The following STON2 variants were observed in gnomAD, a reference collection of about 807,000 sequenced individuals.
STON2 encodes stonin 2.
In STON2, 29 loss-of-function variants were observed where a neutral mutation model predicts 65.7. The observed-to-expected ratio is 0.44, with a 90% CI of 0.33 to 0.60. The LOEUF (loss-of-function observed/expected upper bound fraction) is 0.60. Ranked by LOEUF, STON2 falls within the 20% of genes least tolerant of loss-of-function variation. STON2 has a pLI of 0.03. For missense variants in STON2, 1,054 were observed against 1,118.1 expected, an observed-to-expected ratio of 0.94 and a Z score of 0.82; for synonymous variants, 404 against 414.2, an observed-to-expected ratio of 0.98 and a Z score of 0.30.
At chr14:81,283,624 G>A (rs1424206255) in intron 5 of STON2, among the ~76,000 whole-genome samples, 1 of 147,804 alleles carries the variant, frequency 6.8e-6, no homozygotes, top group Non-Finnish European at 1.5e-5. Flanking sequence ...TCCGCCTCCC[G>A]GGTTCAAGCC....
chr14:81,387,756 G>A (rs1899882849), intron 3 of STON2, among the ~76,000 whole-genome samples: 1 of 151,232 alleles, frequency 6.6e-6, no homozygotes, highest in Admixed American at 6.6e-5. Context: ...GCCAGGCATG[G>A]TGGCGGGTGC....
At chr14:81,275,531 C>G (rs1025584566) in intron 6 of STON2, among the ~76,000 whole-genome samples, 4 of 151,974 alleles carry the variant, frequency 2.6e-5, no homozygotes, top group African/African-American at 9.7e-5. Context: ...TTCAGAGGGG[C>G]CCCGTGGATA....
chr14:81,372,545 T>A (rs1332532182), intron 3 of STON2, among the ~76,000 whole-genome samples: 1 of 119,424 alleles, frequency 8.4e-6, no homozygotes. Context: ...AGATAAACCC[T>A]ATCTCAAAAA....
At chr14:81,335,236 T>C (rs951502029) in intron 4 of STON2, among the ~76,000 whole-genome samples, 2 of 152,060 alleles carry the variant, frequency 1.3e-5, no homozygotes, top group East Asian at 1.9e-4. Context: ...TGACCAGTGA[T>C]AGTCTCAAAA....
intron 5 of STON2, among the ~76,000 whole-genome samples, chr14:81,300,063 A>G (rs1281588945): frequency 6.6e-6 from 1 of 152,166 alleles, no homozygotes; most frequent in East Asian, 1.9e-4. Flanking sequence ...GATTGACTAT[A>G]AAGTTTCAGT....
intron 5 of STON2, among the ~76,000 whole-genome samples, chr14:81,312,247 C>T (rs1896453012): frequency 6.6e-6 from 1 of 152,160 alleles, no homozygotes. Context: ...AGGCTACTAA[C>T]ACCCACTGTG....
In STON2 at chr14:81,278,601, T is replaced by C. The variant is rs1335715293; in HGVS notation, c.881A>G (p.Asp294Gly). 2 of 1,597,422 alleles carry C rather than the reference T, an allele frequency of 1.3e-6. No homozygotes were observed. Among genetic ancestry groups the C allele is most frequent in the Non-Finnish European group, 1.7e-6 (2 of 1,170,498 alleles). The change falls in exon 6 of 8, where the codon GAC becomes GGC. Residue 294 changes from aspartate (D) to glycine (G), a missense_variant. Physicochemically the swap from Asp to Gly is moderately conservative, Grantham distance 94. Transcript: ENST00000614646. ...ARFPSWVTFD[D>G]NEVSCPLPPV... ...TGGTAAAGGGCAGCTGACTTCATTG[T>C]CATCAAAGGTGACCCAGCTGGGAAA...
chr14:81,325,289 T>C (rs1896966394), intron 4 of STON2, among the ~76,000 whole-genome samples: 4 of 152,246 alleles, frequency 2.6e-5, no homozygotes. Context: ...TAGGTTTCTC[T>C]ACCGTAGCTT....
chr14:81,425,681 C>T (rs1901936172), intron 2 of STON2, among the ~76,000 whole-genome samples: 1 of 152,058 alleles, frequency 6.6e-6, no homozygotes, highest in South Asian at 2.1e-4. Flanking sequence ...ATACGTAATA[C>T]TAAAACACTG....
intron 2 of STON2, 26 bp downstream of exon 2, chr14:81,398,269 C>G (rs762818272): frequency 1.3e-6 from 2 of 1,542,096 alleles, no homozygotes; most frequent in South Asian, 2.3e-5. Flanking sequence ...AATCTCTTCA[C>G]TTTAGGAAAC....
At chr14:81,297,834 T>C (rs1895820052) in intron 5 of STON2, among the ~76,000 whole-genome samples, 1 of 151,148 alleles carries the variant, frequency 6.6e-6, no homozygotes, top group Admixed American at 6.6e-5. Flanking sequence ...AGGTCAGGAG[T>C]TTGAGACCAG....
intron 5 of STON2, among the ~76,000 whole-genome samples, chr14:81,308,802 A>ATATATATATATATATGTGTGTGTG (rs1566901149): frequency 4.7e-4 from 8 of 16,990 alleles, no homozygotes; most frequent in Non-Finnish European, 8.3e-4. Context: ...ATATATATAT[A>ATATATATATATATATGTGTGTGTG]TATATATATA....
chr14:81,276,585 A>G (rs780034955), intron 6 of STON2, among the ~76,000 whole-genome samples: 3 of 152,190 alleles, frequency 2.0e-5, no homozygotes, highest in Admixed American at 6.5e-5. Context: ...CACCACAGCT[A>G]ATACGTTAAT....
At chr14:81,309,836 T>G (rs1363150585) in intron 5 of STON2, among the ~76,000 whole-genome samples, 1 of 152,212 alleles carries the variant, frequency 6.6e-6, no homozygotes, top group Non-Finnish European at 1.5e-5. Flanking sequence ...GGGCCAAAGG[T>G]GGTGGTATCT....
intron 3 of STON2, among the ~76,000 whole-genome samples, chr14:81,387,946 T>C (rs976529861): frequency 1.0e-4 from 14 of 138,370 alleles, no homozygotes; most frequent in African/African-American, 4.1e-4. Context: ...TTTTATTTCT[T>C]TTCTTTTTTT....
chr14:81,281,005 C>T (rs369447470), intron 5 of STON2, among the ~76,000 whole-genome samples: 4 of 141,474 alleles, frequency 2.8e-5, no homozygotes, highest in Admixed American at 2.1e-4. Context: ...AGCGAAACTC[C>T]GTCTCAAAAA....
chr14:81,301,644 G>A (rs1363669812), intron 5 of STON2, among the ~76,000 whole-genome samples: 1 of 152,194 alleles, frequency 6.6e-6, no homozygotes, highest in Non-Finnish European at 1.5e-5. Flanking sequence ...ACGTGCTCAA[G>A]ATTTGGAAGT....
rs182584688 is a variant in STON2 at position 81,288,484 on chromosome 14, C to T, written c.743-9745G>A. 5.5e-3 allele frequency among the ~76,000 whole-genome samples: 843 copies of T among 152,264 alleles called. 2 individuals are homozygous for T. Among genetic ancestry groups the T allele is most frequent in the Non-Finnish European group, 8.6e-3 (582 of 68,012 alleles). ...ACTGAATACTGCAGGCAATTATAAG[C>T]GTTTGTATACCCAAAGATATCTAAA... On this transcript the variant is annotated intron_variant, in intron 5 of 7. Transcript: ENST00000614646.
chr14:81,406,566 C>G (rs1900871584), intron 2 of STON2, among the ~76,000 whole-genome samples: 1 of 152,128 alleles, frequency 6.6e-6, no homozygotes, highest in African/African-American at 2.4e-5. Context: ...ATAATAATAA[C>G]TACTGGCCCT....
Sources: allele counts gnomAD v4.1 joint callset (sites outside exome capture counted in the v4.1 genomes callset), GRCh38; gene constraint gnomAD v4.1.1; transcripts MANE v1.5; gene names NCBI Gene and HGNC (gene_info 2026-07-23, HGNC 2026-07-21).